ZC3H12A: variants seen among roughly 807,000 people sequenced by gnomAD.
The protein encoded by ZC3H12A is endoribonuclease ZC3H12A.
In ZC3H12A, 9 loss-of-function variants were observed where a neutral mutation model predicts 29.9. The observed-to-expected ratio is 0.30, with a 90% CI of 0.18 to 0.53. The LOEUF (loss-of-function observed/expected upper bound fraction) is 0.53, where lower values mean the gene tolerates loss of function less well. Among genes scored for constraint, ZC3H12A ranks in the 20% least tolerant of loss-of-function variants. The pLI, the probability that ZC3H12A is intolerant of heterozygous loss-of-function variation, is 0.96. For missense variants in ZC3H12A, 617 were observed against 799.0 expected (o/e 0.77, Z 2.75); for synonymous variants, 323 against 338.1 (o/e 0.96, Z 0.49).
Position 37,476,074 on chromosome 1 carries a change from G to A in ZC3H12A, c.443+135G>A, listed in dbSNP as rs1022173999. 4.9e-5 allele frequency: 48 copies of A among 987,044 alleles called. No homozygotes were observed. Among genetic ancestry groups the A allele is most frequent in the Middle Eastern group, 2.5e-4 (1 of 4,002 alleles). 61.1% of individuals were successfully genotyped at this position (987,044 alleles called of 1,614,324 possible). On this transcript the variant is annotated intron_variant, in intron 2 of 5. Transcript: ENST00000373087. This position sits in a 1 kb window ranked among gnomAD's most constrained non-coding sequence, Gnocchi z 6.0. ...TTCCTTCTTAGGGACTGGTCTAGAGGGAGGGAAAGCCTTTTATGAGGCTAG... is the reference window on the plus strand; with the variant it reads ...TTCCTTCTTAGGGACTGGTCTAGAGAGAGGGAAAGCCTTTTATGAGGCTAG...
At chr1:37,480,466 C>T in intron 3 of ZC3H12A, 37 bp downstream of exon 3, 1 of 1,593,446 alleles carries the variant, frequency 6.3e-7, no homozygotes, top group Non-Finnish European at 8.6e-7. Flanking sequence ...GGTCTTACTG[C>T]CCCAGCAGCC....
In ZC3H12A at chr1:37,475,777, G is replaced by T. The variant is rs377089553; in HGVS notation, c.281G>T (p.Arg94Leu). ...GTGAAACACGGGACAGCCACCGAGC[G>T]GGAGCGCCAGACCTCACCGGACCCC... ...ELVKHGTATE[R>L]ERQTSPDPCP... is the part of the protein sequence containing the mutation. The change falls in exon 2 of 6, where the codon CGG becomes CTG. Residue 94 changes from arginine to leucine, a missense_variant. Physicochemically the swap from Arg to Leu is moderately radical, Grantham distance 102. Transcript: ENST00000373087. The surrounding 1 kb of genome is among the most constrained non-coding windows in gnomAD (Gnocchi z 5.2). The T allele has an allele frequency of 6.2e-7, 1 of 1,613,396 alleles. No individual in the cohort carries two copies. Among genetic ancestry groups the T allele is most frequent in the Non-Finnish European group, 8.5e-7 (1 of 1,179,844 alleles).
intron 1 of ZC3H12A, among the ~76,000 whole-genome samples, 157 bp downstream of exon 1, chr1:37,474,786 G>A (rs1641546610): frequency 6.6e-6 from 1 of 152,028 alleles, no homozygotes; most frequent in African/African-American, 2.4e-5. Flanking sequence ...CCGGCCCGCC[G>A]GGCCTCAGGA....
At position 37,483,218 on chromosome 1, in the gene ZC3H12A, G is replaced by A. The variant is rs552148755; in HGVS notation, c.1407G>A (p.Thr469=). ...CGGGCCCACCCCGAGCCCCTTACAC[G>A]GGCTACAGTCCCTATGGATCTGAGC... ...GEPGPPRAPY[T]GYSPYGSELP... Residue 469 remains threonine, a synonymous_variant, in exon 6 of 6, where the codon ACG becomes ACA. Transcript: ENST00000373087. 2.2e-5 allele frequency: 35 copies of A among 1,613,636 alleles called. No individual in the cohort carries two copies. Among genetic ancestry groups the A allele is most frequent in the Admixed American group, 2.2e-4 (13 of 60,020 alleles).
chr1:37,476,185 C>T lies in ZC3H12A; in HGVS notation c.443+246C>T, dbSNP rs1236041357. 6.6e-6 allele frequency among the ~76,000 whole-genome samples: 1 copy of T among 152,084 alleles called. No individual in the cohort carries two copies. Among genetic ancestry groups the T allele is most frequent in the Non-Finnish European group, 1.5e-5 (1 of 68,036 alleles). On this transcript the variant is annotated intron_variant, in intron 2 of 5. Transcript: ENST00000373087. This position sits in a 1 kb window ranked among gnomAD's most constrained non-coding sequence, Gnocchi z 6.0. ...GCTTACCTTATGCTGTGGGTCCCTC[C>T]CTGAGGCCAGCACTGTGTCTCCACT... is the stretch of plus-strand genomic sequence containing the variant.
chr1:37,477,516 C>T (rs577190119), intron 2 of ZC3H12A, among the ~76,000 whole-genome samples: 1 of 152,340 alleles, frequency 6.6e-6, no homozygotes, highest in East Asian at 1.9e-4. Flanking sequence ...GGGCTAGCCC[C>T]CCCATCATAT....
rs1400821918 is a variant in ZC3H12A at position 37,478,051 on chromosome 1, A to T, written c.443+2112A>T. 2.0e-5 allele frequency among the ~76,000 whole-genome samples: 3 copies of T among 152,150 alleles called. No individual in the cohort carries two copies. Among genetic ancestry groups the T allele is most frequent in the African/African-American group, 7.2e-5 (3 of 41,432 alleles). On this transcript the variant is annotated intron_variant, in intron 2 of 5. Coordinates refer to ENST00000373087, the MANE Select transcript of ZC3H12A (RefSeq NM_025079.3). The surrounding 1 kb of genome is among the most constrained non-coding windows in gnomAD (Gnocchi z 5.2). ...TACTAGCCTAGGATCATGTGCCCGGAGGGAGGCAGGTGGGCGGATACATGC... is the reference window on the plus strand; with the variant it reads ...TACTAGCCTAGGATCATGTGCCCGGTGGGAGGCAGGTGGGCGGATACATGC...
At chr1:37,481,308 G>T (rs1189081526) in intron 3 of ZC3H12A, among the ~76,000 whole-genome samples, 1 of 152,232 alleles carries the variant, frequency 6.6e-6, no homozygotes, top group Non-Finnish European at 1.5e-5. Context: ...CATCTGGCTT[G>T]AACAGGCCTG....
chr1:37,474,813 C>T (rs868525734), intron 1 of ZC3H12A, among the ~76,000 whole-genome samples, 184 bp downstream of exon 1: 1 of 152,092 alleles, frequency 6.6e-6, no homozygotes, highest in Admixed American at 6.5e-5. Context: ...CAACTTTGCC[C>T]AAGTTGGGAG....
Position 37,483,050 on chromosome 1 carries a change from C to A in ZC3H12A, c.1239C>A (p.Ser413Arg). 6.2e-7 allele frequency: 1 copy of A among 1,607,490 alleles called. No individual in the cohort carries two copies. The highest frequency in any genetic ancestry group is 1.7e-5 in the Admixed American group (1 of 58,956). ...TCGCACCTAGCGGGGGCAGTGGCAG[C>A]AGCTTTGGGCCCACAGACTGGCTCC... The part of the protein sequence containing the change: ...RSLAPSGGSG[S>R]SFGPTDWLPQ... The change falls in exon 6 of 6, where the codon AGC becomes AGA. Residue 413 changes from serine to arginine, a missense_variant. Coordinates refer to ENST00000373087, the MANE Select transcript of ZC3H12A (RefSeq NM_025079.3).
At position 37,480,416 on chromosome 1, in the gene ZC3H12A, C is replaced by T. The variant is rs942652788; in HGVS notation, c.570C>T (p.Asp190=). Residue 190 remains aspartate (D), a synonymous_variant, in exon 3 of 6, where the codon GAC becomes GAT. Coordinates refer to ENST00000373087, the MANE Select transcript of ZC3H12A (RefSeq NM_025079.3). ...GGAGGAAGGAGCAGCCTCGGCCCGACGTGCCCATCACAGGTGAGTGGTGCC... is the reference window on the plus strand; with the variant it reads ...GGAGGAAGGAGCAGCCTCGGCCCGATGTGCCCATCACAGGTGAGTGGTGCC... ...PSWRKEQPRP[D]VPITDQHILR... The T allele has an allele frequency of 3.7e-6, 6 of 1,612,648 alleles. No homozygotes were observed. Among genetic ancestry groups the T allele is most frequent in the Admixed American group, 1.7e-5 (1 of 59,924 alleles).
rs777676089 is a variant in ZC3H12A, at chr1:37,483,198, C to T, written c.1387C>T (p.Pro463Ser). 3.1e-6 allele frequency: 5 copies of T among 1,613,376 alleles called. No individual in the cohort carries two copies. Among genetic ancestry groups the T allele is most frequent in the Admixed American group, 1.7e-5 (1 of 59,998 alleles). The part of the protein sequence containing the change: ...VRGGGPGEPG[P>S]PRAPYTGYSP... The stretch of plus-strand genomic sequence containing the variant: ...AGGAGGAGGCCCTGGTGAGCCGGGC[C>T]CACCCCGAGCCCCTTACACGGGCTA... Residue 463 changes from proline (P) to serine (S), a missense_variant, in exon 6 of 6, where the codon CCA becomes TCA. Coordinates refer to ENST00000373087, the MANE Select transcript of ZC3H12A (RefSeq NM_025079.3).
Position 37,479,332 on chromosome 1 carries a change from C to T in ZC3H12A, c.444-958C>T. On this transcript the variant is annotated intron_variant, in intron 2 of 5. Coordinates refer to ENST00000373087, the MANE Select transcript of ZC3H12A (RefSeq NM_025079.3). This position sits in a 1 kb window ranked among gnomAD's most constrained non-coding sequence, Gnocchi z 4.5. ...CAGGAAAGCTGTCCCACTGACTGAC[C>T]CCTCTTAAGGAAGCTGCAGACTGCT... The T allele has an allele frequency of 1.0e-6, 1 of 985,400 alleles. No homozygotes were observed. The highest frequency in any genetic ancestry group is 1.2e-6 in the Non-Finnish European group (1 of 829,938). The allele number at this position is 985,400 out of a possible 1,614,324, so 61.0% of individuals were successfully genotyped here.
Position 37,479,106 on chromosome 1 carries a change from G to T in ZC3H12A, c.444-1184G>T. 1.0e-6 allele frequency: 1 copy of T among 985,352 alleles called. No individual in the cohort carries two copies. Among genetic ancestry groups the T allele is most frequent in the Non-Finnish European group, 1.2e-6 (1 of 829,932 alleles). The allele number at this position is 985,352 out of a possible 1,614,324, so 61.0% of individuals were successfully genotyped here. A position where few individuals can be genotyped will look rare whatever the true frequency, so the allele number is the denominator to read the frequency against. ...TTGGCCCTGGACTTGCCTCTTTTGC[G>T]TAACATTTATTCTGTTTTATTTGCC... On this transcript the variant is annotated intron_variant, in intron 2 of 5. Coordinates refer to ENST00000373087, the MANE Select transcript of ZC3H12A (RefSeq NM_025079.3). This position sits in a 1 kb window ranked among gnomAD's most constrained non-coding sequence, Gnocchi z 4.5.
In ZC3H12A at chr1:37,479,855, C is replaced by A; in HGVS notation, c.444-435C>A. 9.9e-7 allele frequency: 1 copy of A among 1,006,710 alleles called. No individual in the cohort carries two copies. Among genetic ancestry groups the A allele is most frequent in the Non-Finnish European group, 1.2e-6 (1 of 841,918 alleles). The allele number at this position is 1,006,710 out of a possible 1,614,324, so 62.4% of individuals were successfully genotyped here. Reference sequence around the variant, plus strand: ...CTCAGTGTGCATGTGTACATCTGTCCCTGTGGTCCCGGCAGCTCGCCGGGT... The same window carrying A: ...CTCAGTGTGCATGTGTACATCTGTCACTGTGGTCCCGGCAGCTCGCCGGGT... On this transcript the variant is annotated intron_variant, in intron 2 of 5. Coordinates refer to ENST00000373087, the MANE Select transcript of ZC3H12A (RefSeq NM_025079.3). The surrounding 1 kb of genome is among the most constrained non-coding windows in gnomAD (Gnocchi z 4.5).
Position 37,478,894 on chromosome 1 carries a change from G to A in ZC3H12A, c.444-1396G>A. On this transcript the variant is annotated intron_variant, in intron 2 of 5. Transcript: ENST00000373087. The surrounding 1 kb of genome is among the most constrained non-coding windows in gnomAD (Gnocchi z 5.2). ...GTGGCAGAGGGACCGGGAAGGATGAGTGCTGCCCTGGGCTGGACTTTGTCT... is the reference window on the plus strand; with the variant it reads ...GTGGCAGAGGGACCGGGAAGGATGAATGCTGCCCTGGGCTGGACTTTGTCT... The A allele has an allele frequency of 1.0e-6, 1 of 985,320 alleles. No individual in the cohort carries two copies. The allele number at this position is 985,320 out of a possible 1,614,324, so 61.0% of individuals were successfully genotyped here.
Position 37,478,064 on chromosome 1 carries a change from G to A in ZC3H12A, c.443+2125G>A, listed in dbSNP as rs1641625900. Among the ~76,000 whole-genome samples the A allele has an allele frequency of 1.3e-5, 2 of 152,182 alleles. No individual in the cohort carries two copies. The highest frequency in any genetic ancestry group is 2.9e-5 in the Non-Finnish European group (2 of 68,032). ...TCATGTGCCCGGAGGGAGGCAGGTG[G>A]GCGGATACATGCGCACACTGCATAC... On this transcript the variant is annotated intron_variant, in intron 2 of 5. Transcript: ENST00000373087. The surrounding 1 kb of genome is among the most constrained non-coding windows in gnomAD (Gnocchi z 5.2).
chr1:37,477,802 G>A (rs1343561020), intron 2 of ZC3H12A, among the ~76,000 whole-genome samples: 1 of 152,204 alleles, frequency 6.6e-6, no homozygotes, highest in Non-Finnish European at 1.5e-5. Flanking sequence ...CCAGTGCAGT[G>A]AAAGAGACTA....
In ZC3H12A at chr1:37,483,131, T is replaced by C. The variant is rs1370585524; in HGVS notation, c.1320T>C (p.Ile440=). The C allele has an allele frequency of 6.2e-7, 1 of 1,613,422 alleles. No homozygotes were observed. Among genetic ancestry groups the C allele is most frequent in the African/African-American group, 1.3e-5 (1 of 74,926 alleles). The change falls in exon 6 of 6, where the codon ATT becomes ATC. Residue 440 remains isoleucine, a synonymous_variant. Coordinates refer to ENST00000373087, the MANE Select transcript of ZC3H12A (RefSeq NM_025079.3). ...CCCAGGATTGCCTGGACTCGGGCATTGGCTCCCTGGAGAGCCAGATGTCGG... is the reference window on the plus strand; with the variant it reads ...CCCAGGATTGCCTGGACTCGGGCATCGGCTCCCTGGAGAGCCAGATGTCGG... ...YVSQDCLDSG[I]GSLESQMSEL...
Sources: gnomAD v4.1 joint callset for allele counts (sites outside exome capture counted in the v4.1 genomes callset) on GRCh38, gnomAD v4.1.1 for gene constraint, Gnocchi (gnomAD v3.1) non-coding constraint, MANE v1.5 for transcripts, NCBI Gene and HGNC (gene_info 2026-07-23, HGNC 2026-07-21) for gene names.